SPAG16: variants seen among roughly 807,000 people sequenced by gnomAD.
SPAG16 encodes sperm-associated antigen 16 protein.
In SPAG16, 86 loss-of-function variants were observed where a neutral mutation model predicts 80.4. The observed-to-expected ratio is 1.07, with a 90% CI of 0.90 to 1.28. The LOEUF is 1.28. Ranked by LOEUF, SPAG16 falls within the 50% of genes most tolerant of loss-of-function variation. The pLI, the probability that SPAG16 is intolerant of heterozygous loss-of-function variation, is 0.00. For synonymous variants in SPAG16, 294 were observed against 265.9 expected, an observed-to-expected ratio of 1.11 and a Z score of -1.03; for missense variants, 870 against 765.3, an observed-to-expected ratio of 1.14 and a Z score of -1.61.
intron 10 of SPAG16, among the ~76,000 whole-genome samples, chr2:213,491,992 T>C (rs1174910456): frequency 6.6e-6 from 1 of 152,188 alleles, no homozygotes; most frequent in East Asian, 1.9e-4. Context: ...AAGTTGTGAC[T>C]TTGGGACAAC....
intron 15 of SPAG16, among the ~76,000 whole-genome samples, chr2:214,213,397 C>T (rs1038132839): frequency 1.3e-5 from 2 of 152,122 alleles, no homozygotes; most frequent in African/African-American, 4.8e-5. Context: ...ACACTGAAAC[C>T]ACCTGTGCAA....
intron 10 of SPAG16, among the ~76,000 whole-genome samples, chr2:213,647,132 G>A (rs909969084): frequency 2.0e-5 from 3 of 152,072 alleles, no homozygotes; most frequent in African/African-American, 7.2e-5. Context: ...GGTGAAGGAA[G>A]AGAAAATAAA....
At chr2:214,360,871 C>G (rs997074643) in intron 15 of SPAG16, among the ~76,000 whole-genome samples, 1 of 151,670 alleles carries the variant, frequency 6.6e-6, no homozygotes, top group South Asian at 2.1e-4. Context: ...TACCCTCTTT[C>G]TGGGGAAGAA....
rs551913194 is a variant in SPAG16 at position 213,806,258 on chromosome 2, G to A, written c.1071-56227G>A. On this transcript the variant is annotated intron_variant, in intron 10 of 15. Coordinates refer to ENST00000331683, the MANE Select transcript of SPAG16 (RefSeq NM_024532.5). The stretch of plus-strand genomic sequence containing the variant: ...TGGGAGATTATTTTAGAATTGCTTA[G>A]TGAGGCCTGGTTTACAGGCTTGATA... Among the ~76,000 whole-genome samples, 4 of 152,286 alleles carry A rather than the reference G, an allele frequency of 2.6e-5. No homozygotes were observed. In the South Asian group the frequency reaches 8.3e-4, roughly 32 times the overall value.
intron 15 of SPAG16, among the ~76,000 whole-genome samples, chr2:214,300,993 G>C (rs1293774049): frequency 6.7e-6 from 1 of 149,396 alleles, no homozygotes; most frequent in Non-Finnish European, 1.5e-5. Flanking sequence ...GATGAACACA[G>C]ATGCGAAAAT....
intron 10 of SPAG16, among the ~76,000 whole-genome samples, chr2:213,572,395 G>T (rs1309925814): frequency 3.2e-5 from 4 of 125,282 alleles, no homozygotes; most frequent in African/African-American, 9.6e-5. Flanking sequence ...TTTGATGATG[G>T]TGATGTACAG....
intron 15 of SPAG16, among the ~76,000 whole-genome samples, chr2:214,258,360 C>G (rs1449863265): frequency 6.6e-6 from 1 of 151,856 alleles, no homozygotes; most frequent in East Asian, 1.9e-4. Context: ...TCCTGAGTTA[C>G]TTCACTTAGA....
chr2:213,448,438 G>T (rs2071480793), intron 9 of SPAG16, among the ~76,000 whole-genome samples: 1 of 152,174 alleles, frequency 6.6e-6, no homozygotes, highest in South Asian at 2.1e-4. Context: ...TAAACCCCAC[G>T]ATTTGGATTA....
intron 10 of SPAG16, among the ~76,000 whole-genome samples, chr2:213,632,159 A>G (rs532897131): frequency 6.6e-6 from 1 of 152,068 alleles, no homozygotes; most frequent in Non-Finnish European, 1.5e-5. Flanking sequence ...AATTTGTTTC[A>G]TCAGTTTTTT....
At chr2:214,373,572 G>A in intron 15 of SPAG16, among the ~76,000 whole-genome samples, 1 of 152,128 alleles carries the variant, frequency 6.6e-6, no homozygotes. Context: ...TAAAGAACTA[G>A]AGAGAGAGAA....
intron 9 of SPAG16, among the ~76,000 whole-genome samples, chr2:213,386,313 A>AAT (rs993347435): frequency 8.5e-5 from 13 of 152,154 alleles, no homozygotes; most frequent in South Asian, 2.1e-4. Context: ...ACTTAGATTA[A>AAT]ATATATATAT....
chr2:213,340,012 T>C, intron 5 of SPAG16, 151 bp from the exon 6 acceptor site: 3 of 606,604 alleles, frequency 4.9e-6, no homozygotes, highest in Non-Finnish European at 8.8e-6. Flanking sequence ...ATACAAATTA[T>C]GTTTGATGAG....
chr2:213,548,299 G>A (rs2076678111), intron 10 of SPAG16, among the ~76,000 whole-genome samples: 1 of 152,190 alleles, frequency 6.6e-6, no homozygotes, highest in East Asian at 1.9e-4. Context: ...TACAACCTCT[G>A]CCTCCCAGGT....
At chr2:214,040,040 C>G (rs1464014434) in intron 13 of SPAG16, among the ~76,000 whole-genome samples, 2 of 152,044 alleles carry the variant, frequency 1.3e-5, no homozygotes, top group Non-Finnish European at 2.9e-5. Context: ...CCAGGTGGAG[C>G]CAATGGTCGT....
chr2:213,734,804 T>C (rs997214343), intron 10 of SPAG16, among the ~76,000 whole-genome samples: 1 of 152,174 alleles, frequency 6.6e-6, no homozygotes, highest in African/African-American at 2.4e-5. Context: ...TTTTGAATTA[T>C]TTTTAAACTT....
chr2:214,233,975 C>T (rs1688891277), intron 15 of SPAG16, among the ~76,000 whole-genome samples: 1 of 152,014 alleles, frequency 6.6e-6, no homozygotes, highest in Non-Finnish European at 1.5e-5. Flanking sequence ...CAGATCATCC[C>T]ATCACCTAGA....
intron 10 of SPAG16, among the ~76,000 whole-genome samples, chr2:213,784,549 C>T (rs916879187): frequency 9.1e-5 from 12 of 132,336 alleles, no homozygotes; most frequent in East Asian, 2.3e-4. Context: ...ATTTTACTTA[C>T]GATAAAATTG....
intron 13 of SPAG16, among the ~76,000 whole-genome samples, chr2:214,023,923 T>A (rs1286221940): frequency 6.6e-6 from 1 of 151,718 alleles, no homozygotes; most frequent in Non-Finnish European, 1.5e-5. Context: ...ATAATGACTA[T>A]GTCCATTGAA....
chr2:213,788,376 A>T (rs1285586722), intron 10 of SPAG16, among the ~76,000 whole-genome samples: 1 of 151,920 alleles, frequency 6.6e-6, no homozygotes, highest in African/African-American at 2.4e-5. Context: ...TATGTATATA[A>T]ATATAAACAT....
Sources: allele counts gnomAD v4.1 joint callset (sites outside exome capture counted in the v4.1 genomes callset), GRCh38; gene constraint gnomAD v4.1.1; transcripts MANE v1.5; gene names NCBI Gene and HGNC (gene_info 2026-07-23, HGNC 2026-07-21).